The following GTPBP1 variants were observed in gnomAD, a reference collection of about 807,000 sequenced individuals.
GTPBP1 encodes the protein GTP-binding protein 1.
In GTPBP1, 23 loss-of-function variants were observed where a neutral mutation model predicts 62.0. That is an observed-to-expected ratio of 0.37 (90% confidence interval 0.27 to 0.53). The LOEUF (loss-of-function observed/expected upper bound fraction) is 0.53. Ranked by LOEUF, GTPBP1 falls within the 20% of genes least tolerant of loss-of-function variation. The probability of loss-of-function intolerance (pLI) is 0.89; values close to 1 mark genes in which losing one functional copy is unlikely to be tolerated. For synonymous variants in GTPBP1, 344 were observed against 364.4 expected, an observed-to-expected ratio of 0.94 and a Z score of 0.64; for missense variants, 640 against 917.3, an observed-to-expected ratio of 0.70 and a Z score of 3.90.
In GTPBP1 at chr22:38,726,244, C is replaced by G. The variant is rs771173900; in HGVS notation, c.1219-14C>G. Reference sequence around the variant, plus strand: ...GGGGATGCACTTATGAGGCCAGGGTCTTCTCCTTGGCAGGGTGTGGGGACA... The same window carrying G: ...GGGGATGCACTTATGAGGCCAGGGTGTTCTCCTTGGCAGGGTGTGGGGACA... On this transcript the variant is annotated splice_polypyrimidine_tract_variant and intron_variant, in intron 7 of 11. Transcript: ENST00000216044. The surrounding 1 kb of genome is among the most constrained non-coding windows in gnomAD (Gnocchi z 4.1). The G allele has an allele frequency of 1.9e-6, 3 of 1,613,562 alleles. No homozygotes were observed. The highest frequency in any genetic ancestry group is 2.2e-5 in the South Asian group (2 of 91,044).
At chr22:38,736,048 G>A (rs185691254), downstream of GTPBP1, 9 of 595,772 alleles carry the variant, frequency 1.5e-5, no homozygotes, top group East Asian at 3.1e-5. Context: ...CAGACGCCAC[G>A]GGCACAGAGG....
intron 6 of GTPBP1, among the ~76,000 whole-genome samples, chr22:38,725,624 G>T (rs1193752742): frequency 6.6e-6 from 1 of 152,208 alleles, no homozygotes; most frequent in Non-Finnish European, 1.5e-5. Context: ...AAGCCAAAGG[G>T]CTGTGAGTGT....
downstream of GTPBP1, chr22:38,736,000 T>C (rs980928456): frequency 5.1e-6 from 2 of 389,346 alleles, no homozygotes; most frequent in African/African-American, 4.3e-5. Flanking sequence ...CAGTCCCCCA[T>C]GATATGCTAC....
rs549559624 is a variant in GTPBP1 at position 38,726,625 on chromosome 22, A to G, written c.1401+185A>G. On this transcript the variant is annotated intron_variant, in intron 8 of 11. Coordinates refer to ENST00000216044, the MANE Select transcript of GTPBP1 (RefSeq NM_004286.5). The surrounding 1 kb of genome is among the most constrained non-coding windows in gnomAD (Gnocchi z 4.1). ...GACTTGCCCAAGACACACAGCTTGT[A>G]AGTGCTAGAGCGAGGAATGCCTCCT... is the stretch of plus-strand genomic sequence containing the variant. 1.3e-5 allele frequency among the ~76,000 whole-genome samples: 2 copies of G among 152,296 alleles called. No homozygotes were observed. Among genetic ancestry groups the G allele is most frequent in the South Asian group, 2.1e-4 (1 of 4,830 alleles).
chr22:38,738,194 A>T, downstream of GTPBP1: 1 of 1,613,960 alleles, frequency 6.2e-7, no homozygotes. The surrounding 1 kb of genome is among the most constrained non-coding windows in gnomAD (Gnocchi z 6.6). Context: ...ACGTCTGAAT[A>T]GGCTCGCCGT....
chr22:38,717,114 T>A, intron 4 of GTPBP1, 114 bp downstream of exon 4: 1 of 676,614 alleles, frequency 1.5e-6, no homozygotes, highest in Non-Finnish European at 2.5e-6. Flanking sequence ...GGCTTTGACA[T>A]CGGGTGAGGC....
chr22:38,725,549 T>G, intron 6 of GTPBP1: 1 of 155,382 alleles, frequency 6.4e-6, no homozygotes, highest in Admixed American at 6.3e-5. Flanking sequence ...GAAGGGAGAG[T>G]TCTCTGGTGT....
Position 38,716,635 on chromosome 22 carries a change from G to C in GTPBP1, c.486-17G>C. On this transcript the variant is annotated splice_polypyrimidine_tract_variant and intron_variant, in intron 3 of 11. Coordinates refer to ENST00000216044, the MANE Select transcript of GTPBP1 (RefSeq NM_004286.5). This position sits in a 1 kb window ranked among gnomAD's most constrained non-coding sequence, Gnocchi z 5.2. Reference sequence around the variant, plus strand: ...TCACTAACTCTCACATAGATGTATGGGTTCATCTACACGCAGGGTAGCAGT... The same window carrying C: ...TCACTAACTCTCACATAGATGTATGCGTTCATCTACACGCAGGGTAGCAGT... The C allele has an allele frequency of 6.4e-7, 1 of 1,556,340 alleles. No individual in the cohort carries two copies. The highest frequency in any genetic ancestry group is 2.3e-5 in the East Asian group (1 of 44,200).
intron 4 of GTPBP1, among the ~76,000 whole-genome samples, chr22:38,720,615 T>A (rs1460839195): frequency 6.6e-6 from 1 of 152,212 alleles, no homozygotes; most frequent in Non-Finnish European, 1.5e-5. Flanking sequence ...GATTAGTCCA[T>A]ATCAGTAGAT....
At chr22:38,724,506 G>C in intron 6 of GTPBP1, 95 bp downstream of exon 6, 1 of 733,476 alleles carries the variant, frequency 1.4e-6, no homozygotes. Flanking sequence ...TTGGGCATAA[G>C]GTCTCATGAA....
downstream of GTPBP1, chr22:38,741,605 G>C (rs2092858540): frequency 4.4e-6 from 7 of 1,601,162 alleles, no homozygotes; most frequent in Non-Finnish European, 5.1e-6. Context: ...AGGTTGGACA[G>C]AGCCATGCTT....
downstream of GTPBP1, chr22:38,739,511 G>A (rs540739470): frequency 9.4e-6 from 14 of 1,490,818 alleles, no homozygotes; most frequent in East Asian, 1.2e-4. The surrounding 1 kb of genome is among the most constrained non-coding windows in gnomAD (Gnocchi z 6.7). Context: ...AAGGACCCAT[G>A]GGCTGACCCC....
chr22:38,741,648 C>A, downstream of GTPBP1: 1 of 1,393,062 alleles, frequency 7.2e-7, no homozygotes, highest in Non-Finnish European at 1.0e-6. Context: ...AGTGGCGGAA[C>A]TGGAATTCAA....
At chr22:38,728,304 A>C (rs947384754) in intron 10 of GTPBP1, 143 bp downstream of exon 10, 1 of 647,176 alleles carries the variant, frequency 1.5e-6, no homozygotes, top group Non-Finnish European at 2.8e-6. Flanking sequence ...CCATCTCTCT[A>C]CTCCCTTAGA....
At chr22:38,729,909 GAAATA>G (rs1398626424) in intron 11 of GTPBP1, among the ~76,000 whole-genome samples, 2 of 152,218 alleles carry the variant, frequency 1.3e-5, no homozygotes, top group Non-Finnish European at 2.9e-5. Context: ...TGGTTTTAAT[GAAATA>G]AAATAGAACA....
In GTPBP1 at chr22:38,727,066, C is replaced by A. The variant is rs1252604802; in HGVS notation, c.1402-147C>A. On this transcript the variant is annotated intron_variant, in intron 8 of 11. Coordinates refer to ENST00000216044, the MANE Select transcript of GTPBP1 (RefSeq NM_004286.5). The surrounding 1 kb of genome is among the most constrained non-coding windows in gnomAD (Gnocchi z 6.5). Reference sequence around the variant, plus strand: ...CACTGAGGGTGCTCGTGCTGTCCACCCTAGAAGGCCTGTGGTCCAGTTGGT... The same window carrying A: ...CACTGAGGGTGCTCGTGCTGTCCACACTAGAAGGCCTGTGGTCCAGTTGGT... The A allele has an allele frequency of 1.4e-6, 1 of 701,272 alleles. No individual in the cohort carries two copies. Among genetic ancestry groups the A allele is most frequent in the Non-Finnish European group, 2.3e-6 (1 of 432,532 alleles). 43.4% of individuals were successfully genotyped at this position (701,272 alleles called of 1,614,324 possible).
Position 38,729,550 on chromosome 22 carries a change from G to A in GTPBP1, c.1805G>A (p.Arg602Gln), listed in dbSNP as rs769134090. 1.9e-6 allele frequency: 3 copies of A among 1,604,578 alleles called. No individual in the cohort carries two copies. The highest frequency in any genetic ancestry group is 2.2e-5 in the South Asian group (2 of 90,068). The part of the protein sequence containing the change: ...QSTKKGPLTK[R>Q]DEGGPSGGPA... Reference sequence around the variant, plus strand: ...ACGAAAAAGGGCCCCCTGACGAAACGAGACGAGGGGGGCCCGTCTGGTGGG... The same window carrying A: ...ACGAAAAAGGGCCCCCTGACGAAACAAGACGAGGGGGGCCCGTCTGGTGGG... Residue 602 changes from arginine to glutamine, a missense_variant, in exon 11 of 12, where the codon CGA (arginine) becomes CAA (glutamine). Physicochemically the swap from Arg to Gln is conservative, Grantham distance 43 (BLOSUM62 1). Transcript: ENST00000216044.
Position 38,716,100 on chromosome 22 carries a change from C to T in GTPBP1, c.485+13C>T, listed in dbSNP as rs888087542. The T allele has an allele frequency of 1.3e-5, 20 of 1,564,810 alleles. No homozygotes were observed. The highest frequency in any genetic ancestry group is 1.2e-4 in the Admixed American group (6 of 51,868). On this transcript the variant is annotated intron_variant, in intron 3 of 11. Coordinates refer to ENST00000216044, the MANE Select transcript of GTPBP1 (RefSeq NM_004286.5). This position sits in a 1 kb window ranked among gnomAD's most constrained non-coding sequence, Gnocchi z 5.2. ...TCCTGGAGGTCAGGTGAGGAGGCCGCGGGACATTTTGGGGTCCCCATTCTT... is the reference window on the plus strand; with the variant it reads ...TCCTGGAGGTCAGGTGAGGAGGCCGTGGGACATTTTGGGGTCCCCATTCTT...
downstream of GTPBP1, chr22:38,738,013 C>A (rs918597543): frequency 1.4e-6 from 1 of 738,052 alleles, no homozygotes; most frequent in Non-Finnish European, 2.5e-6. This position sits in a 1 kb window ranked among gnomAD's most constrained non-coding sequence, Gnocchi z 6.6. Flanking sequence ...CTGCAGGATG[C>A]GTGTTACACC....
Sources: allele counts gnomAD v4.1 joint callset (sites outside exome capture counted in the v4.1 genomes callset), GRCh38; gene constraint gnomAD v4.1.1; non-coding constraint Gnocchi (gnomAD v3.1); transcripts MANE v1.5; gene names NCBI Gene and HGNC (gene_info 2026-07-23, HGNC 2026-07-21).